Variants in DNAH12 observed in about 807,000 individuals in gnomAD.
DNAH12 encodes the protein axonemal beta dynein heavy chain 12.
In DNAH12, 285 loss-of-function variants were observed where a neutral mutation model predicts 371.5. The observed-to-expected ratio is 0.77, with a 90% CI of 0.70 to 0.85. The LOEUF (loss-of-function observed/expected upper bound fraction) is 0.85, where lower values mean the gene tolerates loss of function less well. DNAH12 is among the 40% of genes least tolerant of loss of function. The probability of loss-of-function intolerance (pLI) is 0.00; values close to 1 mark genes in which losing one functional copy is unlikely to be tolerated. For missense variants in DNAH12, 3,611 were observed against 3,689.4 expected, an observed-to-expected ratio of 0.98 and a Z score of 0.55; for synonymous variants, 1,200 against 1,213.0, an observed-to-expected ratio of 0.99 and a Z score of 0.22.
chr3:57,412,415 C>G (rs1210329078), intron 39 of DNAH12, among the ~76,000 whole-genome samples: 1 of 152,156 alleles, frequency 6.6e-6, no homozygotes, highest in South Asian at 2.1e-4. Context: ...TTTTCAGACA[C>G]AACACCAACA....
At chr3:57,444,879 C>T (rs2065428658) in intron 28 of DNAH12, 63 bp from the exon 29 acceptor site, 1 of 1,507,068 alleles carries the variant, frequency 6.6e-7, no homozygotes, top group South Asian at 1.3e-5. Flanking sequence ...CCACTTCTCC[C>T]TCCCCTCCCA....
chr3:57,525,027 A>G (rs571969717), intron 2 of DNAH12, among the ~76,000 whole-genome samples: 2 of 152,290 alleles, frequency 1.3e-5, no homozygotes, highest in East Asian at 1.9e-4. Context: ...TGGCCAAAGA[A>G]AAAAGCATAC....
chr3:57,441,377 GA>G, intron 29 of DNAH12, among the ~76,000 whole-genome samples: 1 of 151,524 alleles, frequency 6.6e-6, no homozygotes, highest in Non-Finnish European at 1.5e-5. Flanking sequence ...AGAAAGTAAT[GA>G]AAAACAAAAG....
chr3:57,481,922 A>G (rs1475886209), intron 13 of DNAH12, among the ~76,000 whole-genome samples: 3 of 152,202 alleles, frequency 2.0e-5, no homozygotes, highest in East Asian at 1.9e-4. Context: ...AAACTAATTC[A>G]AGATGGATTA....
Position 57,295,586 on chromosome 3 carries a change from C to T in DNAH12, c.11631G>A (p.Leu3877=). ...GAAGTTTGGGATATTGTTCAGCAAG[C>T]AATCCACTGTAACGAGAAATTGACA... ...DGARWDRESG[L]LAEQYPKLLF... Residue 3877 remains leucine, a synonymous_variant, in exon 73 of 74, where the codon TTG becomes TTA. Coordinates refer to ENST00000495027, the MANE Select transcript of DNAH12 (RefSeq NM_001366028.2). 6 of 1,542,976 alleles carry T rather than the reference C, an allele frequency of 3.9e-6. No individual in the cohort carries two copies. The highest frequency in any genetic ancestry group is 5.3e-6 in the Non-Finnish European group (6 of 1,142,034).
intron 2 of DNAH12, among the ~76,000 whole-genome samples, chr3:57,525,620 T>TA (rs1470382638): frequency 2.0e-5 from 3 of 152,182 alleles, no homozygotes; most frequent in Admixed American, 6.6e-5. Context: ...TCAAGGTAAA[T>TA]AGGGTATCCA....
At position 57,296,958 on chromosome 3, in the gene DNAH12, A is replaced by G. The variant is rs747451985; in HGVS notation, c.11421T>C (p.Cys3807=). The change falls in exon 71 of 74, where the codon TGT becomes TGC. Residue 3807 remains cysteine (C), a synonymous_variant. Coordinates refer to ENST00000495027, the MANE Select transcript of DNAH12 (RefSeq NM_001366028.2). ...LQDWYNSGKP[C]VFWLSGFFFT... ...AAAAGAAACCTGACAGCCAAAACAC[A>G]CAAGGTTTTCCTGAATTATACCAGT... 6.4e-7 allele frequency: 1 copy of G among 1,551,562 alleles called. No individual in the cohort carries two copies. The highest frequency in any genetic ancestry group is 8.7e-7 in the Non-Finnish European group (1 of 1,146,994).
chr3:57,372,543 GT>G (rs1457055761), intron 55 of DNAH12, among the ~76,000 whole-genome samples: 2 of 151,906 alleles, frequency 1.3e-5, no homozygotes, highest in African/African-American at 4.8e-5. Flanking sequence ...ATATGAAAAA[GT>G]GAAATATATA....
At chr3:57,527,032 A>T (rs2068672826) in intron 2 of DNAH12, among the ~76,000 whole-genome samples, 1 of 152,120 alleles carries the variant, frequency 6.6e-6, no homozygotes, top group Admixed American at 6.5e-5. Flanking sequence ...ACAGGGTTCC[A>T]CCATGTTGGC....
chr3:57,488,244 G>C (rs1484827385), intron 12 of DNAH12, among the ~76,000 whole-genome samples: 2 of 152,066 alleles, frequency 1.3e-5, no homozygotes, highest in Non-Finnish European at 2.9e-5. Flanking sequence ...CCGGGCTGGA[G>C]TGCAGTGGTG....
chr3:57,343,373 G>A (rs2062452010), intron 60 of DNAH12, among the ~76,000 whole-genome samples: 1 of 152,220 alleles, frequency 6.6e-6, no homozygotes, highest in Non-Finnish European at 1.5e-5. Context: ...AAAAACATGT[G>A]TTGTATAAAA....
chr3:57,324,026 A>T (rs763948518), intron 62 of DNAH12, among the ~76,000 whole-genome samples: 3 of 152,178 alleles, frequency 2.0e-5, no homozygotes, highest in Non-Finnish European at 2.9e-5. Flanking sequence ...TACAAGTAGA[A>T]ATTACTTATG....
intron 62 of DNAH12, among the ~76,000 whole-genome samples, chr3:57,329,669 A>G (rs1203731199): frequency 6.7e-6 from 1 of 148,488 alleles, no homozygotes; most frequent in Non-Finnish European, 1.5e-5. Context: ...CTTCATGTCT[A>G]AAACACCAAA....
At chr3:57,316,602 T>C (rs1331738068) in intron 65 of DNAH12, among the ~76,000 whole-genome samples, 1 of 152,076 alleles carries the variant, frequency 6.6e-6, no homozygotes, top group Non-Finnish European at 1.5e-5. Flanking sequence ...CCCACCTAAA[T>C]CTCAGCTCAA....
chr3:57,326,900 G>T (rs931593412), intron 62 of DNAH12, among the ~76,000 whole-genome samples: 8 of 152,072 alleles, frequency 5.3e-5, no homozygotes, highest in Non-Finnish European at 1.0e-4. Flanking sequence ...AAAAGGCAGG[G>T]GTTCCAATCC....
intron 64 of DNAH12, among the ~76,000 whole-genome samples, 158 bp from the exon 65 acceptor site, chr3:57,322,641 G>A (rs1394308102): frequency 7.0e-6 from 1 of 143,248 alleles, no homozygotes; most frequent in African/African-American, 2.5e-5. Context: ...AAGATATGCA[G>A]ACAGCTGGCC....
intron 29 of DNAH12, among the ~76,000 whole-genome samples, chr3:57,443,791 A>T (rs2065387076): frequency 6.6e-6 from 1 of 152,164 alleles, no homozygotes; most frequent in Admixed American, 6.6e-5. Flanking sequence ...TACTACTTTC[A>T]TTTCTATCTA....
chr3:57,382,642 G>A (rs2063417834), intron 49 of DNAH12, among the ~76,000 whole-genome samples: 1 of 151,804 alleles, frequency 6.6e-6, no homozygotes, highest in Non-Finnish European at 1.5e-5. Context: ...GAATATAATG[G>A]CAGCTATAAA....
At chr3:57,468,567 A>G (rs966200778) in intron 17 of DNAH12, 169 bp downstream of exon 17, 1 of 360,360 alleles carries the variant, frequency 2.8e-6, no homozygotes, top group Non-Finnish European at 4.5e-6. Context: ...GTGAGTCACC[A>G]CTACACTCCA....
Sources: gnomAD v4.1 joint callset for allele counts (sites outside exome capture counted in the v4.1 genomes callset) on GRCh38, gnomAD v4.1.1 for gene constraint, MANE v1.5 for transcripts, NCBI Gene and HGNC (gene_info 2026-07-23, HGNC 2026-07-21) for gene names.